GGA1: variants seen among roughly 807,000 people sequenced by gnomAD.
GGA1 encodes the protein golgi associated, gamma adaptin ear containing, ARF binding protein 1, also known as ADP-ribosylation factor-binding protein GGA1.
GGA1 carries 18 observed loss-of-function variants against 76.9 expected under a neutral mutation model. The ratio of observed to expected loss-of-function variants is 0.23; its 90% confidence interval spans 0.16 to 0.35. The LOEUF (loss-of-function observed/expected upper bound fraction) is 0.35, where lower values mean the gene tolerates loss of function less well. Among genes scored for constraint, GGA1 ranks in the 10% least tolerant of loss-of-function variants. GGA1 has a pLI of 1.00. For synonymous variants in GGA1, 342 were observed against 354.7 expected (o/e 0.96, Z 0.40); for missense variants, 755 against 859.0 (o/e 0.88, Z 1.51).
In GGA1 at chr22:37,632,973, G is replaced by T; in HGVS notation, c.*262G>T. On this transcript the variant is annotated 3_prime_UTR_variant, in exon 17 of 17. Transcript: ENST00000343632. The surrounding 1 kb of genome is among the most constrained non-coding windows in gnomAD (Gnocchi z 5.1). ...ATCACCGGGACCTGGAGAGGGAGGG[G>T]CTGTGTAGCCTTGGAAGAACTTGGG... is the stretch of plus-strand genomic sequence containing the variant. 3.9e-6 allele frequency: 2 copies of T among 511,358 alleles called. No individual in the cohort carries two copies. Among genetic ancestry groups the T allele is most frequent in the East Asian group, 3.3e-5 (1 of 30,700 alleles). The allele number at this position is 511,358 out of a possible 1,614,324, so 31.7% of individuals were successfully genotyped here.
rs377637781 is a variant in GGA1, at chr22:37,612,512, C to T, written c.44-1678C>T. 4.6e-3 allele frequency: 624 copies of T among 136,446 alleles called. 18 individuals are homozygous for T. The highest frequency in any genetic ancestry group is 0.016 in the African/African-American group (603 of 37,848). The allele number at this position is 136,446 out of a possible 1,614,324, so 8.5% of individuals were successfully genotyped here. A position where few individuals can be genotyped will look rare whatever the true frequency, so the allele number is the denominator to read the frequency against. On this transcript the variant is annotated intron_variant, in intron 1 of 16. Transcript: ENST00000343632. ...TACAGCCGGGCACGGTGGCTCACACCTGTAATCCCAGCACTTTGGGAGGCC... is the reference window on the plus strand; with the variant it reads ...TACAGCCGGGCACGGTGGCTCACACTTGTAATCCCAGCACTTTGGGAGGCC...
intron 3 of GGA1, chr22:37,618,080 C>G (rs1320656669): frequency 6.2e-6 from 1 of 162,280 alleles, no homozygotes; most frequent in Admixed American, 6.5e-5. Flanking sequence ...CGAGATCGTG[C>G]TACTGCATTC....
chr22:37,626,098 G>C, intron 11 of GGA1, 149 bp downstream of exon 11: 1 of 502,882 alleles, frequency 2.0e-6, no homozygotes, highest in Non-Finnish European at 3.2e-6. Flanking sequence ...TCACAACTGA[G>C]GAAACTGAGG....
intron 2 of GGA1, among the ~76,000 whole-genome samples, chr22:37,616,156 TTAGTGGGC>T (rs1482975836): frequency 3.3e-5 from 5 of 152,146 alleles, no homozygotes; most frequent in Non-Finnish European, 7.3e-5. Context: ...GTGGACATTC[TTAGTGGGC>T]TCCCCAGGCG....
Position 37,618,418 on chromosome 22 carries a change from C to T in GGA1, c.205-30C>T, listed in dbSNP as rs369243214. ...GGCCACGGCCTCTGATGCACCTGGGCGTCCCCTCCCATCCCCCCTCCCTGC... is the reference window on the plus strand; with the variant it reads ...GGCCACGGCCTCTGATGCACCTGGGTGTCCCCTCCCATCCCCCCTCCCTGC... On this transcript the variant is annotated intron_variant, in intron 3 of 16. Transcript: ENST00000343632. 4.1e-5 allele frequency: 57 copies of T among 1,379,488 alleles called. No individual in the cohort carries two copies. The South Asian group carries it at 4.8e-4, about 12-fold the overall frequency. 85.5% of individuals were successfully genotyped at this position (1,379,488 alleles called of 1,614,324 possible).
intron 2 of GGA1, among the ~76,000 whole-genome samples, chr22:37,615,342 G>C (rs1025724675): frequency 6.6e-6 from 1 of 151,476 alleles, no homozygotes; most frequent in Non-Finnish European, 1.5e-5. Flanking sequence ...CCAGCTACTC[G>C]GGAGGCTGAG....
At chr22:37,614,643 C>T (rs1004209962) in intron 2 of GGA1, among the ~76,000 whole-genome samples, 11 of 152,308 alleles carry the variant, frequency 7.2e-5, no homozygotes, top group African/African-American at 2.6e-4. Flanking sequence ...GGCCAGTAGG[C>T]CCTTTGCTCA....
rs1930435060 is a variant in GGA1, at chr22:37,624,444, A to G, written c.833-525A>G. 6.9e-6 allele frequency: 1 copy of G among 145,472 alleles called. No individual in the cohort carries two copies. The highest frequency in any genetic ancestry group is 1.5e-5 in the Non-Finnish European group (1 of 67,604). 9.0% of individuals were successfully genotyped at this position (145,472 alleles called of 1,614,324 possible). On this transcript the variant is annotated intron_variant, in intron 9 of 16. Coordinates refer to ENST00000343632, the MANE Select transcript of GGA1 (RefSeq NM_013365.5). This position sits in a 1 kb window ranked among gnomAD's most constrained non-coding sequence, Gnocchi z 4.3. ...GAGACCCAGTCTCTATTTCAAATAT[A>G]TTTATATTAAAAAAAAAAAAAAAAG... is the stretch of plus-strand genomic sequence containing the variant.
In GGA1 at chr22:37,631,883, G is replaced by A. The variant is rs1425119136; in HGVS notation, c.1529-113G>A. The A allele has an allele frequency of 3.1e-5, 26 of 831,864 alleles. No homozygotes were observed. The Admixed American group carries it at 6.1e-4, about 20-fold the overall frequency. The allele number at this position is 831,864 out of a possible 1,614,324, so 51.5% of individuals were successfully genotyped here. A position where few individuals can be genotyped will look rare whatever the true frequency, so the allele number is the denominator to read the frequency against. ...AGGTAAGGCCCCAAAGGAGGACTTTGCTCTTGTTGCCAGTACAGCAGCCAG... is the reference window on the plus strand; with the variant it reads ...AGGTAAGGCCCCAAAGGAGGACTTTACTCTTGTTGCCAGTACAGCAGCCAG... On this transcript the variant is annotated intron_variant, in intron 14 of 16. Coordinates refer to ENST00000343632, the MANE Select transcript of GGA1 (RefSeq NM_013365.5).
chr22:37,628,163 C>T (rs1317448207), intron 11 of GGA1, among the ~76,000 whole-genome samples: 2 of 152,158 alleles, frequency 1.3e-5, no homozygotes, highest in Non-Finnish European at 2.9e-5. Context: ...CACTATATTG[C>T]TCAGGCTGGT....
rs1932035385 is a variant in GGA1 at position 37,632,680 on chromosome 22, TC to T, written c.1895del (p.Pro632HisfsTer59). ...TYNEMGDVDQ[F>X]PPPETWGSL ...AACGAGATGGGGGATGTGGACCAGT[TC>T]CCCCCACCTGAAACCTGGGGTAGCC... is the stretch of plus-strand genomic sequence containing the variant. On this transcript the variant is annotated frameshift_variant, in exon 17 of 17. Coordinates refer to ENST00000343632, the MANE Select transcript of GGA1 (RefSeq NM_013365.5). LOFTEE classifies it high-confidence loss of function. The surrounding 1 kb of genome is among the most constrained non-coding windows in gnomAD (Gnocchi z 5.1). 6.2e-7 allele frequency: 1 copy of T among 1,610,052 alleles called. No individual in the cohort carries two copies. Among genetic ancestry groups the T allele is most frequent in the Non-Finnish European group, 8.5e-7 (1 of 1,177,314 alleles).
chr22:37,616,997 G>A lies in GGA1; in HGVS notation c.204G>A (p.Thr68=), dbSNP rs1232435795. 7 of 1,601,896 alleles carry A rather than the reference G, an allele frequency of 4.4e-6. No individual in the cohort carries two copies. The highest frequency in any genetic ancestry group is 1.3e-5 in the African/African-American group (1 of 74,642). Residue 68 remains threonine (T), a splice_region_variant and synonymous_variant, in exon 3 of 17, where the codon ACG becomes ACA. Coordinates refer to ENST00000343632, the MANE Select transcript of GGA1 (RefSeq NM_013365.5). The stretch of plus-strand genomic sequence containing the variant: ...AGTGGGAGGCGATCCAGGCCTTGAC[G>A]GTGAGAAGGGGAGAGGCCACCATCC... ...PQEWEAIQAL[T]VLETCMKSCG... is the part of the protein sequence containing the mutation.
chr22:37,608,869 C>G lies in GGA1; in HGVS notation c.9C>G (p.Pro3=). 7.7e-7 allele frequency: 1 copy of G among 1,305,350 alleles called. No homozygotes were observed. Among genetic ancestry groups the G allele is most frequent in the Non-Finnish European group, 9.7e-7 (1 of 1,027,688 alleles). The allele number at this position is 1,305,350 out of a possible 1,614,324, so 80.9% of individuals were successfully genotyped here. The change falls in exon 1 of 17, where the codon CCC becomes CCG. Residue 3 remains proline, a synonymous_variant. Transcript: ENST00000343632. ...CTGGGGGCCGGTGGCGGATGGAGCC[C>G]GCGATGGAGCCGGAGACTCTGGAGG... ME[P]AMEPETLEAR...
chr22:37,609,115 C>A, intron 1 of GGA1: 1 of 1,485,700 alleles, frequency 6.7e-7, no homozygotes, highest in Non-Finnish European at 9.0e-7. Context: ...GGGCGCCGCC[C>A]ACCTGTCGGA....
At chr22:37,615,340 T>C (rs1232010918) in intron 2 of GGA1, among the ~76,000 whole-genome samples, 2 of 152,022 alleles carry the variant, frequency 1.3e-5, no homozygotes, top group Non-Finnish European at 2.9e-5. Context: ...TCCCAGCTAC[T>C]CGGGAGGCTG....
intron 1 of GGA1, among the ~76,000 whole-genome samples, chr22:37,611,118 CTTTG>C (rs954016108): frequency 7.2e-5 from 11 of 152,156 alleles, no homozygotes; most frequent in Admixed American, 4.6e-4. Flanking sequence ...GTTCCCCAGC[CTTTG>C]TTTGGGGACT....
chr22:37,619,843 C>A, intron 4 of GGA1: 1 of 776,502 alleles, frequency 1.3e-6, no homozygotes, highest in Non-Finnish European at 2.4e-6. Flanking sequence ...CAGTTTGCTG[C>A]TAGGAGACGG....
In GGA1 at chr22:37,623,656, G is replaced by T; in HGVS notation, c.832+23G>T. 3 of 1,494,108 alleles carry T rather than the reference G, an allele frequency of 2.0e-6. No homozygotes were observed. Among genetic ancestry groups the T allele is most frequent in the Non-Finnish European group, 2.7e-6 (3 of 1,093,028 alleles). 92.6% of individuals were successfully genotyped at this position (1,494,108 alleles called of 1,614,324 possible). Reference sequence around the variant, plus strand: ...TAGGTGAGCCCAGGGCAGGTGCTGAGGTCAGGTCCCCCCCTCTCCCTCCAC... The same window carrying T: ...TAGGTGAGCCCAGGGCAGGTGCTGATGTCAGGTCCCCCCCTCTCCCTCCAC... On this transcript the variant is annotated intron_variant, in intron 9 of 16. Coordinates refer to ENST00000343632, the MANE Select transcript of GGA1 (RefSeq NM_013365.5). The surrounding 1 kb of genome is among the most constrained non-coding windows in gnomAD (Gnocchi z 4.6).
intron 4 of GGA1, 137 bp from the exon 5 acceptor site, chr22:37,620,101 G>T: frequency 1.1e-6 from 1 of 869,764 alleles, no homozygotes; most frequent in Non-Finnish European, 1.9e-6. Context: ...CAGGCTGGTT[G>T]GGCGGGGCTA....
Sources: gnomAD v4.1 joint callset for allele counts (sites outside exome capture counted in the v4.1 genomes callset) on GRCh38, gnomAD v4.1.1 for gene constraint, Gnocchi (gnomAD v3.1) non-coding constraint, MANE v1.5 for transcripts, NCBI Gene and HGNC (gene_info 2026-07-23, HGNC 2026-07-21) for gene names.